Variants in ITGBL1 observed in about 807,000 individuals in gnomAD.
ITGBL1 encodes the protein integrin beta-like protein 1.
In ITGBL1, 51 loss-of-function variants were observed where a neutral mutation model predicts 68.5. The ratio of observed to expected loss-of-function variants is 0.74; its 90% CI spans 0.59 to 0.94. The LOEUF (loss-of-function observed/expected upper bound fraction) is 0.94, where lower values mean the gene tolerates loss of function less well. Among genes scored for constraint, ITGBL1 ranks in the 40% least tolerant of loss-of-function variants. ITGBL1 has a pLI of 0.00. For missense variants in ITGBL1, 649 were observed against 647.4 expected (o/e 1.00, Z -0.03); for synonymous variants, 209 against 227.3 (o/e 0.92, Z 0.72).
intron 7 of ITGBL1, among the ~76,000 whole-genome samples, chr13:101,602,340 A>C (rs112046368): frequency 6.6e-6 from 1 of 152,012 alleles, no homozygotes; most frequent in African/African-American, 2.4e-5. Flanking sequence ...AAATTGGAGA[A>C]GGACAAATTC....
At chr13:101,539,807 G>C (rs1230410649) in intron 2 of ITGBL1, among the ~76,000 whole-genome samples, 2 of 151,984 alleles carry the variant, frequency 1.3e-5, no homozygotes, top group African/African-American at 4.8e-5. Context: ...GGCCAGTGAT[G>C]ATGAGCATTT....
intron 7 of ITGBL1, among the ~76,000 whole-genome samples, chr13:101,631,199 A>G (rs1339063547): frequency 6.6e-6 from 1 of 152,182 alleles, no homozygotes; most frequent in Non-Finnish European, 1.5e-5. Flanking sequence ...ATGAAATCAT[A>G]TTTGATCGCA....
Position 101,706,688 on chromosome 13 carries a change from C to T in ITGBL1, c.1133-68C>T, listed in dbSNP as rs991524100. The T allele has an allele frequency of 9.9e-6, 15 of 1,510,720 alleles. No homozygotes were observed. The African/African-American group carries it at 1.4e-4, about 14-fold the overall frequency. 93.6% of individuals were successfully genotyped at this position (1,510,720 alleles called of 1,614,324 possible). On this transcript the variant is annotated intron_variant, in intron 8 of 10. Coordinates refer to ENST00000376180, the MANE Select transcript of ITGBL1 (RefSeq NM_004791.3). ...GATCCTATGGTTTACACATTTCTTT[C>T]TTAAAACTCTCTGCTTCAGCTGGTT...
chr13:101,504,855 A>G (rs1202739034), intron 2 of ITGBL1, among the ~76,000 whole-genome samples: 3 of 152,182 alleles, frequency 2.0e-5, no homozygotes, highest in Admixed American at 2.0e-4. Flanking sequence ...TCTAATGTGC[A>G]TTGCACCATA....
intron 7 of ITGBL1, among the ~76,000 whole-genome samples, chr13:101,634,229 TTTAA>T (rs1364053090): frequency 1.3e-5 from 2 of 152,152 alleles, no homozygotes; most frequent in Non-Finnish European, 2.9e-5. Flanking sequence ...TGGAGTACAA[TTTAA>T]TTAGCTTTCT....
At chr13:101,513,652 A>C (rs1024892887) in intron 2 of ITGBL1, among the ~76,000 whole-genome samples, 1 of 152,132 alleles carries the variant, frequency 6.6e-6, no homozygotes, top group Non-Finnish European at 1.5e-5. Flanking sequence ...TGCCTTTATA[A>C]TGCTCTTGCA....
chr13:101,562,265 G>GA (rs1375460133), intron 2 of ITGBL1, among the ~76,000 whole-genome samples: 1 of 151,568 alleles, frequency 6.6e-6, no homozygotes, highest in Non-Finnish European at 1.5e-5. Flanking sequence ...ACAGAAAGCA[G>GA]AAAAAAGAGG....
At chr13:101,531,029 AG>A (rs2049464883) in intron 2 of ITGBL1, among the ~76,000 whole-genome samples, 1 of 134,630 alleles carries the variant, frequency 7.4e-6, no homozygotes, top group African/African-American at 2.8e-5. Flanking sequence ...GCTGTAATAT[AG>A]GAAGAAATAT....
At chr13:101,642,643 C>T (rs2032421334) in intron 7 of ITGBL1, among the ~76,000 whole-genome samples, 1 of 151,654 alleles carries the variant, frequency 6.6e-6, no homozygotes, top group Admixed American at 6.6e-5. Flanking sequence ...TTGCCCATGC[C>T]TATGTCCTGA....
At chr13:101,703,562 C>T (rs1393204805) in intron 8 of ITGBL1, among the ~76,000 whole-genome samples, 2 of 152,112 alleles carry the variant, frequency 1.3e-5, no homozygotes, top group Non-Finnish European at 2.9e-5. Context: ...ATCTACGAGC[C>T]AGAGTATTGG....
intron 2 of ITGBL1, among the ~76,000 whole-genome samples, chr13:101,563,120 CAT>C (rs1159330523): frequency 2.7e-5 from 4 of 150,124 alleles, no homozygotes; most frequent in South Asian, 2.1e-4. Flanking sequence ...TAAAATATAA[CAT>C]ATCAAAAATT....
At chr13:101,453,058 C>T (rs763297435) in intron 1 of ITGBL1, 127 bp downstream of exon 1, 5 of 714,040 alleles carry the variant, frequency 7.0e-6, no homozygotes, top group Non-Finnish European at 1.2e-5. Context: ...CTGTTTTCAA[C>T]CTGTTCCTTT....
intron 7 of ITGBL1, among the ~76,000 whole-genome samples, chr13:101,681,843 T>A (rs2033651526): frequency 6.6e-6 from 1 of 151,932 alleles, no homozygotes; most frequent in African/African-American, 2.4e-5. Context: ...TGTGTGTGTG[T>A]GTTGGGAGAG....
chr13:101,595,893 G>T (rs1472512037), intron 6 of ITGBL1, among the ~76,000 whole-genome samples: 1 of 152,100 alleles, frequency 6.6e-6, no homozygotes, highest in Non-Finnish European at 1.5e-5. Context: ...CACTCCCATG[G>T]TCACTGCAGC....
intron 2 of ITGBL1, among the ~76,000 whole-genome samples, chr13:101,503,135 T>C (rs1431758764): frequency 6.6e-6 from 1 of 152,198 alleles, no homozygotes; most frequent in East Asian, 1.9e-4. Flanking sequence ...GTAATCAATT[T>C]TAAAGTCCTC....
intron 2 of ITGBL1, among the ~76,000 whole-genome samples, chr13:101,545,858 T>C (rs1023242867): frequency 3.3e-5 from 5 of 152,202 alleles, no homozygotes; most frequent in African/African-American, 1.2e-4. Flanking sequence ...TTACTCCTAG[T>C]TAAACATTTT....
At chr13:101,624,284 C>T (rs1341717410) in intron 7 of ITGBL1, among the ~76,000 whole-genome samples, 5 of 152,138 alleles carry the variant, frequency 3.3e-5, no homozygotes, top group Admixed American at 6.5e-5. Context: ...ATTGCTTTAG[C>T]GAAAGCAAAC....
chr13:101,650,420 T>A (rs1355032789), intron 7 of ITGBL1, among the ~76,000 whole-genome samples: 1 of 152,164 alleles, frequency 6.6e-6, no homozygotes, highest in Non-Finnish European at 1.5e-5. Flanking sequence ...TTGACAGTAA[T>A]TTTTATATCA....
chr13:101,630,227 C>G (rs571226802), intron 7 of ITGBL1, among the ~76,000 whole-genome samples: 2 of 152,186 alleles, frequency 1.3e-5, no homozygotes, highest in Middle Eastern at 3.4e-3. Flanking sequence ...TTCTATTGCC[C>G]TAACCATGAA....
Sources: allele counts gnomAD v4.1 joint callset (sites outside exome capture counted in the v4.1 genomes callset), GRCh38; gene constraint gnomAD v4.1.1; transcripts MANE v1.5; gene names NCBI Gene and HGNC (gene_info 2026-07-23, HGNC 2026-07-21).